BPIFB3: variants seen among roughly 807,000 people sequenced by gnomAD.
BPIFB3 encodes BPI fold-containing family B member 3.
BPIFB3 carries 49 observed loss-of-function variants against 53.1 expected under a neutral mutation model. The ratio of observed to expected loss-of-function variants is 0.92; its 90% CI spans 0.73 to 1.17. The LOEUF (loss-of-function observed/expected upper bound fraction) is 1.17, where lower values mean the gene tolerates loss of function less well. Among genes scored for constraint, BPIFB3 ranks in the 50% most tolerant of loss-of-function variants. BPIFB3 has a pLI of 0.00. For synonymous variants in BPIFB3, 271 were observed against 269.6 expected (o/e 1.01, Z -0.05); for missense variants, 628 against 592.5 (o/e 1.06, Z -0.62).
intron 9 of BPIFB3, among the ~76,000 whole-genome samples, chr20:33,068,205 A>G (rs559733226): frequency 6.6e-6 from 1 of 152,356 alleles, no homozygotes; most frequent in African/African-American, 2.4e-5. Flanking sequence ...GGTGACAGAC[A>G]TTGCACAAAT....
At chr20:33,071,398 C>T in intron 12 of BPIFB3, 103 bp downstream of exon 13, 1 of 1,330,486 alleles carries the variant, frequency 7.5e-7, no homozygotes, top group Non-Finnish European at 1.0e-6. Flanking sequence ...CTGAGCTGAC[C>T]TCAGGACTGG....
intron 14 of BPIFB3, 27 bp from the exon 16 acceptor site, chr20:33,073,549 G>A (rs1289644508): frequency 1.9e-6 from 3 of 1,613,738 alleles, no homozygotes; most frequent in South Asian, 2.2e-5. Flanking sequence ...ACTCAGGGGT[G>A]TAACCAAGAG....
chr20:33,066,723 A>C, intron 8 of BPIFB3, 101 bp from the exon 10 acceptor site: 1 of 1,098,142 alleles, frequency 9.1e-7, no homozygotes, highest in Non-Finnish European at 1.4e-6. Flanking sequence ...TGAAATTGGC[A>C]GGGTAGGGGG....
chr20:33,064,584 G>A (rs190701891), intron 7 of BPIFB3, 36 bp downstream of exon 8: 1 of 1,612,716 alleles, frequency 6.2e-7, no homozygotes, highest in South Asian at 1.1e-5. Context: ...CCTGCTGGGG[G>A]TGGCTAGATA....
intron 13 of BPIFB3, 57 bp downstream of exon 14, chr20:33,072,224 G>A: frequency 6.4e-7 from 1 of 1,553,158 alleles, no homozygotes; most frequent in Non-Finnish European, 8.9e-7. Context: ...GTATTGTCTA[G>A]TCTGTTGCCT....
At chr20:33,071,550 GGAACCTCACAAAGTTGTGGACATCTA>G (rs1411908971) in intron 12 of BPIFB3, among the ~76,000 whole-genome samples, 1 of 152,086 alleles carries the variant, frequency 6.6e-6, no homozygotes, top group Non-Finnish European at 1.5e-5. Context: ...CCACGGTCTT[GGAACCTCACAAAGTTGTGGACATCTA>G]GAACCTCACA....
chr20:33,064,356 A>C, intron 6 of BPIFB3, 101 bp from the exon 8 acceptor site: 1 of 920,304 alleles, frequency 1.1e-6, no homozygotes, highest in South Asian at 1.5e-5. Context: ...TGCTTAGTAG[A>C]GTGCTAGGCA....
exon 4 of BPIFB3, chr20:33,059,945 G>A: frequency 6.2e-7 from 1 of 1,614,156 alleles, no homozygotes; most frequent in Non-Finnish European, 8.5e-7. Context: ...CATCGCGGGT[G>A]GCGCTGGCCG....
At chr20:33,064,812 C>T (rs147358664) in exon 8 of BPIFB3, 562 of 1,613,668 alleles carry the variant, frequency 3.5e-4, no homozygotes, top group Middle Eastern at 2.0e-3. Context: ...TGCAGACCAA[C>T]GGCGCCCTCG....
At chr20:33,069,755 G>A (rs1980809003) in intron 10 of BPIFB3, 133 bp from the exon 12 acceptor site, 1 of 853,984 alleles carries the variant, frequency 1.2e-6, no homozygotes, top group Admixed American at 2.0e-5. Context: ...ACCTTCTCAG[G>A]GCTCAGCACA....
exon 8 of BPIFB3, chr20:33,064,732 C>A: frequency 6.2e-7 from 1 of 1,614,008 alleles, no homozygotes; most frequent in East Asian, 2.2e-5. Flanking sequence ...AGCCAAGGTG[C>A]CCCCCAAGAA....
chr20:33,068,135 A>G (rs1980740648), intron 9 of BPIFB3, among the ~76,000 whole-genome samples: 1 of 152,250 alleles, frequency 6.6e-6, no homozygotes, highest in Admixed American at 6.5e-5. Context: ...GGCTGCACAA[A>G]GGGCAAAAGG....
chr20:33,070,706 T>C (rs1410142447), intron 11 of BPIFB3, among the ~76,000 whole-genome samples: 4 of 152,234 alleles, frequency 2.6e-5, no homozygotes, highest in Admixed American at 2.6e-4. Flanking sequence ...CACAGGCTCC[T>C]CAGGCCACTG....
At chr20:33,053,966 G>A (rs1980089319), upstream of BPIFB3, among the ~76,000 whole-genome samples, 1 of 152,168 alleles carries the variant, frequency 6.6e-6, no homozygotes, top group African/African-American at 2.4e-5. Flanking sequence ...AGGAGCAAGG[G>A]TAAGACAGCC....
upstream of BPIFB3, among the ~76,000 whole-genome samples, chr20:33,054,871 G>C (rs1024519840): frequency 6.6e-6 from 1 of 152,220 alleles, no homozygotes. Context: ...GGAGGTGGGG[G>C]AAGGAGAAAG....
intron 5 of BPIFB3, 118 bp downstream of exon 6, chr20:33,061,949 C>T (rs1980477773): frequency 4.1e-6 from 5 of 1,213,050 alleles, no homozygotes; most frequent in Non-Finnish European, 5.9e-6. Flanking sequence ...CTTCCACACC[C>T]ACCTGGTAAT....
chr20:33,054,609 C>T (rs528399597), upstream of BPIFB3, among the ~76,000 whole-genome samples: 101 of 152,064 alleles, frequency 6.6e-4, no homozygotes, highest in Non-Finnish European at 1.3e-3. Flanking sequence ...AGGGGCCTGG[C>T]ATGTTTAAGC....
In BPIFB3 at chr20:33,069,859, G is replaced by T. The variant is rs557461239; in HGVS notation, c.1150-29G>T. On this transcript the variant is annotated intron_variant, in intron 10 of 14. Transcript: ENST00000375494. ...CCTCAAGCTCCTTCTGCCGATTGGG[G>T]GTGACTTCTGCCTGCTTTGCCCATG... 4 of 1,613,730 alleles carry T rather than the reference G, an allele frequency of 2.5e-6. No individual in the cohort carries two copies. The South Asian group carries it at 4.4e-5, about 18-fold the overall frequency.
intron 6 of BPIFB3, 60 bp from the exon 8 acceptor site, chr20:33,064,397 G>A (rs1980577414): frequency 7.4e-7 from 1 of 1,346,590 alleles, no homozygotes; most frequent in East Asian, 2.3e-5. Context: ...TGGAAATAGG[G>A]GCTATTATGA....
Sources: allele counts gnomAD v4.1 joint callset (sites outside exome capture counted in the v4.1 genomes callset), GRCh38; gene constraint gnomAD v4.1.1; transcripts MANE v1.5; gene names NCBI Gene and HGNC (gene_info 2026-07-23, HGNC 2026-07-21).